Variants in GULP1 observed in about 807,000 individuals in gnomAD.
GULP1 encodes PTB domain-containing engulfment adapter protein 1.
A neutral mutation model predicts 40.9 loss-of-function variants in GULP1; 19 were observed. The observed-to-expected ratio is 0.46, with a 90% CI of 0.32 to 0.68. GULP1 has a LOEUF of 0.68. GULP1 is among the 30% of genes least tolerant of loss of function. The pLI is 0.03. For synonymous variants in GULP1, 119 were observed against 117.6 expected (o/e 1.01, Z -0.08); for missense variants, 312 against 362.2 (o/e 0.86, Z 1.12).
chr2:188,573,980 T>C (rs553048315), intron 9 of GULP1, among the ~76,000 whole-genome samples: 3 of 152,298 alleles, frequency 2.0e-5, no homozygotes, highest in Non-Finnish European at 4.4e-5. Context: ...AAATCTCTAA[T>C]TGAGGTGTAG....
At chr2:188,560,681 C>T (rs948180648) in intron 7 of GULP1, among the ~76,000 whole-genome samples, 1 of 152,204 alleles carries the variant, frequency 6.6e-6, no homozygotes, top group African/African-American at 2.4e-5. Flanking sequence ...CACAATTCTA[C>T]AGGCTGTACA....
chr2:188,491,264 A>G (rs537873081), intron 4 of GULP1, among the ~76,000 whole-genome samples: 2 of 152,216 alleles, frequency 1.3e-5, no homozygotes, highest in African/African-American at 4.8e-5. Context: ...GGAGGAAAAA[A>G]AAACATGTTT....
At chr2:188,592,830 A>G (rs766477946) in intron 11 of GULP1, 1 of 152,162 alleles carries the variant, frequency 6.6e-6, no homozygotes, top group Admixed American at 6.6e-5. Context: ...ACAAGTAGAT[A>G]TAGTCAGTCC....
chr2:188,336,636 G>A (rs997793017), intron 1 of GULP1, among the ~76,000 whole-genome samples: 3 of 152,190 alleles, frequency 2.0e-5, no homozygotes, highest in Non-Finnish European at 2.9e-5. Context: ...CATGGATGAG[G>A]TGGTCTGGAA....
At chr2:188,541,461 T>A (rs1475585985) in intron 7 of GULP1, 143 bp downstream of exon 7, 1 of 752,312 alleles carries the variant, frequency 1.3e-6, no homozygotes, top group South Asian at 1.4e-5. Flanking sequence ...TTAGCTGTAC[T>A]AATAGATTTA....
chr2:188,563,404 TA>T (rs1696810076), intron 7 of GULP1, among the ~76,000 whole-genome samples: 1 of 151,074 alleles, frequency 6.6e-6, no homozygotes, highest in African/African-American at 2.4e-5. Context: ...GTAAATAATA[TA>T]AATTGATAAA....
chr2:188,351,774 TATC>T (rs1201132422), intron 1 of GULP1, among the ~76,000 whole-genome samples: 1 of 152,170 alleles, frequency 6.6e-6, no homozygotes, highest in African/African-American at 2.4e-5. Context: ...TTAGTAGTCA[TATC>T]ATGCTCTTCC....
At chr2:188,388,288 G>A (rs1460055112) in intron 2 of GULP1, among the ~76,000 whole-genome samples, 1 of 151,524 alleles carries the variant, frequency 6.6e-6, no homozygotes, top group Non-Finnish European at 1.5e-5. Flanking sequence ...CAGCACTTTG[G>A]GAGACTGAGG....
chr2:188,403,333 T>G (rs979634266), intron 2 of GULP1, among the ~76,000 whole-genome samples: 1 of 152,140 alleles, frequency 6.6e-6, no homozygotes, highest in African/African-American at 2.4e-5. Flanking sequence ...AATGAAAATA[T>G]CATTTTGAGA....
intron 1 of GULP1, among the ~76,000 whole-genome samples, chr2:188,345,413 G>A (rs899723161): frequency 6.6e-6 from 1 of 152,198 alleles, no homozygotes; most frequent in Non-Finnish European, 1.5e-5. Flanking sequence ...AGAGGCAGCT[G>A]TCTCAGAGGA....
chr2:188,309,705 A>C (rs1434568237), intron 1 of GULP1, among the ~76,000 whole-genome samples: 1 of 152,168 alleles, frequency 6.6e-6, no homozygotes, highest in East Asian at 1.9e-4. Context: ...CAACTGTGAT[A>C]ATTGAAATTT....
chr2:188,430,478 CTA>C (rs1198390934), intron 2 of GULP1, among the ~76,000 whole-genome samples: 1 of 152,184 alleles, frequency 6.6e-6, no homozygotes, highest in East Asian at 1.9e-4. Flanking sequence ...AAGACCAGTA[CTA>C]TGTCATAGAG....
intron 9 of GULP1, among the ~76,000 whole-genome samples, chr2:188,579,998 C>T (rs1327638308): frequency 6.6e-6 from 1 of 152,146 alleles, no homozygotes; most frequent in African/African-American, 2.4e-5. Context: ...TTACTCAGTA[C>T]AGACAGCCTT....
intron 1 of GULP1, among the ~76,000 whole-genome samples, chr2:188,358,535 G>A (rs969152221): frequency 2.6e-5 from 4 of 152,080 alleles, no homozygotes; most frequent in Non-Finnish European, 5.9e-5. Flanking sequence ...TGAGGTGATG[G>A]ATATGCTAAT....
At chr2:188,412,423 C>G (rs922052321) in intron 2 of GULP1, among the ~76,000 whole-genome samples, 1 of 152,156 alleles carries the variant, frequency 6.6e-6, no homozygotes, top group Non-Finnish European at 1.5e-5. Flanking sequence ...TAACTCTCTT[C>G]TTAGCCTGTT....
At chr2:188,490,534 GA>G (rs1358784735) in intron 4 of GULP1, among the ~76,000 whole-genome samples, 1 of 152,070 alleles carries the variant, frequency 6.6e-6, no homozygotes, top group Non-Finnish European at 1.5e-5. Context: ...GAGCTAAGTA[GA>G]CTAAGTAAAG....
intron 1 of GULP1, among the ~76,000 whole-genome samples, chr2:188,372,290 A>G (rs986684777): frequency 7.2e-5 from 11 of 152,062 alleles, no homozygotes; most frequent in Non-Finnish European, 8.8e-5. Flanking sequence ...CTACTTACTA[A>G]TAGATTCAGA....
At chr2:188,488,317 A>G (rs914158174) in intron 4 of GULP1, among the ~76,000 whole-genome samples, 3 of 151,826 alleles carry the variant, frequency 2.0e-5, no homozygotes, top group African/African-American at 4.8e-5. Context: ...TCCTCTCTCA[A>G]CTGTTATCAG....
intron 6 of GULP1, among the ~76,000 whole-genome samples, chr2:188,540,438 G>A (rs73978253): frequency 0.023 from 777 of 33,476 alleles, 8 homozygotes; most frequent in African/African-American, 0.056. Context: ...AATTTAATAT[G>A]TGTGTGTGTG....
Sources: allele counts gnomAD v4.1 joint callset (sites outside exome capture counted in the v4.1 genomes callset), GRCh38; gene constraint gnomAD v4.1.1; transcripts MANE v1.5; gene names NCBI Gene and HGNC (gene_info 2026-07-23, HGNC 2026-07-21).